CCDC85A: variants seen among roughly 807,000 people sequenced by gnomAD.
CCDC85A encodes the protein coiled-coil domain-containing protein 85A.
In CCDC85A, 38 loss-of-function variants were observed where a neutral mutation model predicts 50.2. The observed-to-expected ratio is 0.76, with a 90% confidence interval of 0.58 to 0.99. The LOEUF is 0.99. Among genes scored for constraint, CCDC85A ranks in the 50% least tolerant of loss-of-function variants. CCDC85A has a pLI of 0.00. For synonymous variants in CCDC85A, 366 were observed against 301.4 expected (o/e 1.21, Z -2.22); for missense variants, 820 against 742.0 (o/e 1.11, Z -1.22).
At chr2:56,330,657 C>G (rs1398005057) in intron 2 of CCDC85A, among the ~76,000 whole-genome samples, 2 of 152,132 alleles carry the variant, frequency 1.3e-5, no homozygotes, top group African/African-American at 2.4e-5. Flanking sequence ...CTGAAACCAC[C>G]AGGTACCAAT....
chr2:56,258,391 A>T (rs899480133), intron 2 of CCDC85A, among the ~76,000 whole-genome samples: 5 of 152,168 alleles, frequency 3.3e-5, no homozygotes, highest in African/African-American at 1.2e-4. Flanking sequence ...AAGGAAAGAC[A>T]GTGTGTTTTT....
Position 56,342,907 on chromosome 2 carries a change from G to T in CCDC85A, c.1269G>T (p.Leu423=). ...NESTLSYVRQ[L]EARVRQLEEE... The stretch of plus-strand genomic sequence containing the variant: ...CAACCTTGTCCTATGTTAGGCAGCT[G>T]GAGGCAAGAGTAAGACAGCTGGAGG... Residue 423 remains leucine, a synonymous_variant, in exon 3 of 6, where the codon CTG becomes CTT. Coordinates refer to ENST00000407595, the MANE Select transcript of CCDC85A (RefSeq NM_001080433.2). 6.9e-6 allele frequency: 11 copies of T among 1,596,164 alleles called. No individual in the cohort carries two copies. The highest frequency in any genetic ancestry group is 9.4e-6 in the Non-Finnish European group (11 of 1,170,398).
chr2:56,375,574 G>A (rs922695546), intron 4 of CCDC85A, among the ~76,000 whole-genome samples: 28 of 152,136 alleles, frequency 1.8e-4, no homozygotes, highest in African/African-American at 6.3e-4. Context: ...GCCATTCCTT[G>A]GGGGTGGGGC....
intron 2 of CCDC85A, among the ~76,000 whole-genome samples, chr2:56,259,277 C>A (rs1245707397): frequency 6.6e-6 from 1 of 152,140 alleles, no homozygotes; most frequent in African/African-American, 2.4e-5. Flanking sequence ...CCTCACCATC[C>A]ATATTCCTAG....
At chr2:56,253,828 G>T (rs1378728349) in intron 2 of CCDC85A, among the ~76,000 whole-genome samples, 1 of 152,144 alleles carries the variant, frequency 6.6e-6, no homozygotes, top group Non-Finnish European at 1.5e-5. Flanking sequence ...GAATGGGGAT[G>T]CCAGTTGCTG....
intron 2 of CCDC85A, among the ~76,000 whole-genome samples, chr2:56,330,366 T>G (rs1673723279): frequency 6.6e-6 from 1 of 152,202 alleles, no homozygotes; most frequent in South Asian, 2.1e-4. Context: ...GAAGTTCCTC[T>G]GAGCCAGACT....
At chr2:56,308,550 C>T (rs1483091035) in intron 2 of CCDC85A, among the ~76,000 whole-genome samples, 1 of 152,142 alleles carries the variant, frequency 6.6e-6, no homozygotes, top group Non-Finnish European at 1.5e-5. Context: ...AACAACAACA[C>T]AATTTCTATG....
intron 5 of CCDC85A, among the ~76,000 whole-genome samples, chr2:56,380,773 A>G (rs1258978311): frequency 1.3e-5 from 2 of 152,190 alleles, no homozygotes; most frequent in African/African-American, 4.8e-5. Context: ...CATTTAGTCA[A>G]TAATATAAAT....
chr2:56,319,438 G>A lies in CCDC85A; in HGVS notation c.1241-23441G>A, dbSNP rs558222893. Among the ~76,000 whole-genome samples, 11 of 152,160 alleles carry A rather than the reference G, an allele frequency of 7.2e-5. No individual in the cohort carries two copies. The South Asian group carries it at 1.4e-3, about 20-fold the overall frequency. On this transcript the variant is annotated intron_variant, in intron 2 of 5. Transcript: ENST00000407595. ...AAGCATAAAGGGAATATTGGCAAAA[G>A]CAGGGTAACTCTTAAGCACCAGAAC...
intron 2 of CCDC85A, among the ~76,000 whole-genome samples, chr2:56,241,999 C>A (rs1204639843): frequency 6.6e-6 from 1 of 152,084 alleles, no homozygotes; most frequent in African/African-American, 2.4e-5. Context: ...TTGTTATTGC[C>A]TGTCTTTTGG....
intron 2 of CCDC85A, among the ~76,000 whole-genome samples, chr2:56,332,014 A>G (rs1267935153): frequency 6.6e-6 from 1 of 151,340 alleles, no homozygotes; most frequent in Non-Finnish European, 1.5e-5. Flanking sequence ...CCCGCCGTGC[A>G]TTGCACACAG....
At chr2:56,232,404 A>G (rs1310808609) in intron 2 of CCDC85A, among the ~76,000 whole-genome samples, 3 of 152,158 alleles carry the variant, frequency 2.0e-5, no homozygotes, top group Non-Finnish European at 2.9e-5. Flanking sequence ...CTGTGTCCCC[A>G]CACAAATCTC....
intron 2 of CCDC85A, among the ~76,000 whole-genome samples, chr2:56,294,652 G>A (rs1025756353): frequency 6.6e-6 from 1 of 152,180 alleles, no homozygotes; most frequent in Admixed American, 6.5e-5. Flanking sequence ...CTATGATTAT[G>A]TAGGGACTGA....
chr2:56,223,286 T>C (rs889032523), intron 2 of CCDC85A, among the ~76,000 whole-genome samples: 6 of 152,316 alleles, frequency 3.9e-5, no homozygotes, highest in Non-Finnish European at 8.8e-5. Flanking sequence ...GGATAGTTAA[T>C]ATTTTAGACT....
intron 2 of CCDC85A, among the ~76,000 whole-genome samples, chr2:56,318,811 A>G (rs1327625387): frequency 6.6e-6 from 1 of 152,058 alleles, no homozygotes; most frequent in Non-Finnish European, 1.5e-5. Flanking sequence ...CAGATTCCCA[A>G]TGCTTATGTT....
chr2:56,357,780 A>G lies in CCDC85A; in HGVS notation c.1318-14564A>G, dbSNP rs1675311668. Reference sequence around the variant, plus strand: ...AGGGTGGATATTTACAAGCATCTGTAACCCTTACAGTTGGATCTGACTCAG... The same window carrying G: ...AGGGTGGATATTTACAAGCATCTGTGACCCTTACAGTTGGATCTGACTCAG... On this transcript the variant is annotated intron_variant, in intron 3 of 5. Transcript: ENST00000407595. 2.6e-5 allele frequency among the ~76,000 whole-genome samples: 4 copies of G among 150,968 alleles called. No individual in the cohort carries two copies. In the South Asian group the frequency reaches 6.2e-4, roughly 24 times the overall value.
chr2:56,258,730 G>T (rs983036327), intron 2 of CCDC85A, among the ~76,000 whole-genome samples: 6 of 152,232 alleles, frequency 3.9e-5, no homozygotes, highest in Admixed American at 3.9e-4. Flanking sequence ...GCAAAGGCAA[G>T]AGGGAAAGAG....
intron 2 of CCDC85A, among the ~76,000 whole-genome samples, chr2:56,238,857 T>C (rs1420798916): frequency 6.6e-6 from 1 of 152,170 alleles, no homozygotes; most frequent in African/African-American, 2.4e-5. Context: ...ATTTGATAGG[T>C]GTCATGTATA....
chr2:56,242,347 G>A (rs1669300019), intron 2 of CCDC85A, among the ~76,000 whole-genome samples: 1 of 152,096 alleles, frequency 6.6e-6, no homozygotes, highest in Non-Finnish European at 1.5e-5. Context: ...TTTACAGGAA[G>A]CATTGTGCTT....
Sources: gnomAD v4.1 joint callset for allele counts (sites outside exome capture counted in the v4.1 genomes callset) on GRCh38, gnomAD v4.1.1 for gene constraint, MANE v1.5 for transcripts, NCBI Gene and HGNC (gene_info 2026-07-23, HGNC 2026-07-21) for gene names.